Variants in FMN1 observed in about 807,000 individuals in gnomAD.
The protein encoded by FMN1 is formin-1.
FMN1 carries 110 observed loss-of-function variants against 132.4 expected under a neutral mutation model. The ratio of observed to expected loss-of-function variants is 0.83; its 90% CI spans 0.71 to 0.97. The LOEUF is 0.97. Among genes scored for constraint, FMN1 ranks in the 50% least tolerant of loss-of-function variants. FMN1 has a pLI of 0.00. For missense variants in FMN1, 1,792 were observed against 1,705.3 expected (o/e 1.05, Z -0.90); for synonymous variants, 722 against 651.7 (o/e 1.11, Z -1.64).
intron 15 of FMN1, among the ~76,000 whole-genome samples, chr15:32,897,549 G>A (rs1567348830): frequency 6.6e-6 from 1 of 152,208 alleles, no homozygotes; most frequent in Non-Finnish European, 1.5e-5. Context: ...GGTGTGTGTG[G>A]AAAACATCAG....
At chr15:33,124,981 G>T (rs1322197278) in intron 4 of FMN1, among the ~76,000 whole-genome samples, 2 of 152,046 alleles carry the variant, frequency 1.3e-5, no homozygotes, top group African/African-American at 4.8e-5. Flanking sequence ...CAATTCAAAT[G>T]AAGTTATATT....
intron 10 of FMN1, among the ~76,000 whole-genome samples, chr15:32,922,465 C>T (rs945183283): frequency 5.3e-5 from 8 of 152,186 alleles, no homozygotes; most frequent in Non-Finnish European, 7.3e-5. Flanking sequence ...TGAACACTAG[C>T]CCTGCTCCTT....
intron 17 of FMN1, among the ~76,000 whole-genome samples, chr15:32,856,239 T>C (rs1289121432): frequency 1.3e-5 from 2 of 152,230 alleles, no homozygotes; most frequent in Non-Finnish European, 2.9e-5. Flanking sequence ...AAGGCTCCTA[T>C]GTGTGTTTCC....
chr15:33,026,351 ATTTG>A (rs999044579), intron 6 of FMN1, among the ~76,000 whole-genome samples: 2 of 149,718 alleles, frequency 1.3e-5, no homozygotes, highest in African/African-American at 4.9e-5. Context: ...ACTTTATTCT[ATTTG>A]TTTGAAATTA....
chr15:33,159,295 G>A (rs1454220298), intron 3 of FMN1, among the ~76,000 whole-genome samples: 1 of 152,044 alleles, frequency 6.6e-6, no homozygotes, highest in Non-Finnish European at 1.5e-5. Context: ...TAGGTGACTG[G>A]GTAGATTGTG....
chr15:32,842,515 A>G (rs944366634), intron 17 of FMN1, among the ~76,000 whole-genome samples: 15 of 152,252 alleles, frequency 9.9e-5, no homozygotes, highest in Admixed American at 9.8e-4. Flanking sequence ...CCAATCGGCT[A>G]TAATTATAAA....
intron 4 of FMN1, among the ~76,000 whole-genome samples, chr15:33,100,816 C>T (rs1423792927): frequency 2.0e-5 from 3 of 151,958 alleles, no homozygotes; most frequent in Admixed American, 1.3e-4. Context: ...TAATCTATGA[C>T]AGAAAAAAGT....
intron 7 of FMN1, among the ~76,000 whole-genome samples, chr15:32,981,154 T>C (rs964014595): frequency 6.6e-6 from 1 of 152,204 alleles, no homozygotes. Flanking sequence ...TTTTGTAAAA[T>C]GTGATTTTTA....
rs1378249721 is a variant in FMN1, at chr15:33,154,064, G to A, written c.851C>T (p.Pro284Leu). The A allele has an allele frequency of 6.5e-6, 10 of 1,535,852 alleles. No homozygotes were observed. The highest frequency in any genetic ancestry group is 2.7e-5 in the African/African-American group (2 of 72,966). Residue 284 changes from proline to leucine, a missense_variant, in exon 4 of 21, where the codon CCG becomes CTG. This residue lies in a region of FMN1 where 638 missense variants were observed against 645.2 expected (regional missense o/e 0.99). Transcript: ENST00000616417. ...TTGCTGATGCTCCAGCCCGCTCGGCGGCCTCCGAATGCCATCCCCTCCTGC... is the reference window on the plus strand; with the variant it reads ...TTGCTGATGCTCCAGCCCGCTCGGCAGCCTCCGAATGCCATCCCCTCCTGC... ...TEAGGDGIRR[P>L]PSGLEHQQTG...
chr15:32,787,857 A>C (rs2056931692), intron 19 of FMN1, among the ~76,000 whole-genome samples: 1 of 152,196 alleles, frequency 6.6e-6, no homozygotes, highest in South Asian at 2.1e-4. Flanking sequence ...TAAAAAAAAA[A>C]AGTTATTCCA....
At chr15:33,191,371 G>A (rs1259302432) in intron 2 of FMN1, among the ~76,000 whole-genome samples, 1 of 152,150 alleles carries the variant, frequency 6.6e-6, no homozygotes, top group Non-Finnish European at 1.5e-5. Flanking sequence ...GAAATAGGAG[G>A]TGTGTTGGTT....
At chr15:33,038,849 G>T (rs1343176972) in intron 6 of FMN1, among the ~76,000 whole-genome samples, 1 of 152,184 alleles carries the variant, frequency 6.6e-6, no homozygotes, top group Non-Finnish European at 1.5e-5. Context: ...ATCTGGAAAA[G>T]AATTTGCTCA....
At chr15:32,875,879 G>C (rs2059625142) in intron 16 of FMN1, among the ~76,000 whole-genome samples, 1 of 152,124 alleles carries the variant, frequency 6.6e-6, no homozygotes, top group Non-Finnish European at 1.5e-5. Context: ...TGGTAGCTTG[G>C]GCGCTGGCTT....
chr15:32,967,642 G>C (rs1793370717), intron 8 of FMN1, among the ~76,000 whole-genome samples: 1 of 152,178 alleles, frequency 6.6e-6, no homozygotes, highest in African/African-American at 2.4e-5. Flanking sequence ...AGAAGTATCA[G>C]GATGTTCCAA....
chr15:33,034,913 C>A (rs1370251842), intron 6 of FMN1, among the ~76,000 whole-genome samples: 2 of 152,158 alleles, frequency 1.3e-5, no homozygotes, highest in African/African-American at 4.8e-5. Flanking sequence ...AACAGCTCCC[C>A]ATTTCACCCA....
intron 17 of FMN1, among the ~76,000 whole-genome samples, chr15:32,855,973 TGA>T (rs2059122650): frequency 6.6e-6 from 1 of 152,234 alleles, no homozygotes; most frequent in African/African-American, 2.4e-5. Flanking sequence ...CTGTAATGGC[TGA>T]GAGAGAAATC....
intron 4 of FMN1, among the ~76,000 whole-genome samples, chr15:33,114,875 A>C (rs2140142648): frequency 6.6e-6 from 1 of 152,148 alleles, no homozygotes; most frequent in East Asian, 1.9e-4. Context: ...TATTTTGCCT[A>C]TCCATGTTTG....
intron 6 of FMN1, among the ~76,000 whole-genome samples, chr15:33,032,067 G>C (rs942992850): frequency 6.6e-6 from 1 of 152,136 alleles, no homozygotes; most frequent in Non-Finnish European, 1.5e-5. Context: ...AACAGTTATC[G>C]TATGTGTTCT....
At chr15:32,856,915 G>C (rs2059145096) in intron 17 of FMN1, 100 bp downstream of exon 17, 3 of 791,032 alleles carry the variant, frequency 3.8e-6, no homozygotes, top group Non-Finnish European at 4.4e-6. Flanking sequence ...AGCTGCCTGT[G>C]GTCAGCCAGG....
Sources: gnomAD v4.1 joint callset for allele counts (sites outside exome capture counted in the v4.1 genomes callset) on GRCh38, gnomAD v4.1.1 for gene constraint, gnomAD v4.1.1 regional missense constraint, MANE v1.5 for transcripts, NCBI Gene and HGNC (gene_info 2026-07-23, HGNC 2026-07-21) for gene names.